The following TOGARAM2 variants were observed in gnomAD, a reference collection of about 807,000 sequenced individuals.
TOGARAM2 encodes TOG array regulator of axonemal microtubules protein 2.
In TOGARAM2, 85 loss-of-function variants were observed where a neutral mutation model predicts 93.3. That is an observed-to-expected ratio of 0.91 (90% confidence interval 0.76 to 1.09). The LOEUF (loss-of-function observed/expected upper bound fraction) is 1.09. TOGARAM2 is among the 50% of genes least tolerant of loss of function. The pLI is 0.00. For missense variants in TOGARAM2, 1,277 were observed against 1,334.5 expected, an observed-to-expected ratio of 0.96 and a Z score of 0.67; for synonymous variants, 593 against 552.8, an observed-to-expected ratio of 1.07 and a Z score of -1.02.
upstream of TOGARAM2, among the ~76,000 whole-genome samples, chr2:28,977,004 C>T (rs887833657): frequency 5.9e-5 from 9 of 152,180 alleles, no homozygotes; most frequent in East Asian, 3.9e-4. Context: ...CTCCATTATC[C>T]GCTTTTCTAC....
chr2:29,020,940 G>T (rs1051905166), intron 10 of TOGARAM2, among the ~76,000 whole-genome samples: 1 of 152,110 alleles, frequency 6.6e-6, no homozygotes, highest in African/African-American at 2.4e-5. Flanking sequence ...CTGAGACTGA[G>T]TCTCACTCTG....
chr2:29,013,409 GA>G (rs1286020015), intron 7 of TOGARAM2, among the ~76,000 whole-genome samples: 1 of 152,174 alleles, frequency 6.6e-6, no homozygotes, highest in Admixed American at 6.5e-5. Flanking sequence ...ATTACAAGGT[GA>G]AGTCCCACAG....
At chr2:29,038,601 G>A (rs774098058) in intron 18 of TOGARAM2, among the ~76,000 whole-genome samples, 4 of 152,080 alleles carry the variant, frequency 2.6e-5, no homozygotes, top group Non-Finnish European at 4.4e-5. Flanking sequence ...GTGCCACCAC[G>A]CCTGGCTAAT....
intron 14 of TOGARAM2, among the ~76,000 whole-genome samples, chr2:29,028,100 G>A (rs1010797262): frequency 6.6e-6 from 1 of 152,192 alleles, no homozygotes; most frequent in African/African-American, 2.4e-5. Context: ...AGCTAGGGCT[G>A]GAGCCCAGTT....
intron 1 of TOGARAM2, among the ~76,000 whole-genome samples, chr2:28,970,183 GA>G (rs1258522790): frequency 6.6e-6 from 1 of 152,116 alleles, no homozygotes. Flanking sequence ...CCCTATTTTT[GA>G]GATGAGAAAA....
intron 6 of TOGARAM2, among the ~76,000 whole-genome samples, 189 bp downstream of exon 6, chr2:29,003,871 C>T (rs1028155946): frequency 1.3e-5 from 2 of 152,256 alleles, no homozygotes; most frequent in African/African-American, 2.4e-5. Flanking sequence ...GCCGGGGCTT[C>T]TCTGCCTCTT....
At chr2:29,004,729 TGA>T (rs1171177945) in intron 6 of TOGARAM2, among the ~76,000 whole-genome samples, 1 of 127,934 alleles carries the variant, frequency 7.8e-6, no homozygotes, top group South Asian at 2.6e-4. Flanking sequence ...TGTATATGTG[TGA>T]GTGCATGCAT....
At chr2:29,036,307 G>A (rs772874450) in intron 17 of TOGARAM2, among the ~76,000 whole-genome samples, 6 of 152,170 alleles carry the variant, frequency 3.9e-5, no homozygotes, top group African/African-American at 7.2e-5. Context: ...CTAACAAGAC[G>A]CCCTGGACAC....
In TOGARAM2 at chr2:28,967,855, C is replaced by T. The variant is rs181916919; in HGVS notation, c.-147+11158C>T. On this transcript the variant is annotated intron_variant, in intron 1 of 6. Coordinates refer to the TOGARAM2 transcript ENST00000401723. Reference sequence around the variant, plus strand: ...AGTCTTGCTCTGTCGCTCTATTGCCCAGGCTGGAGTGCAGTGGCTCAATGT... The same window carrying T: ...AGTCTTGCTCTGTCGCTCTATTGCCTAGGCTGGAGTGCAGTGGCTCAATGT... 3.6e-3 allele frequency among the ~76,000 whole-genome samples: 511 copies of T among 140,484 alleles called. 2 individuals are homozygous for T. The highest frequency in any genetic ancestry group is 0.013 in the African/African-American group (480 of 36,830). 92.2% of individuals were successfully genotyped at this position (140,484 alleles called of 152,430 possible).
intron 11 of TOGARAM2, among the ~76,000 whole-genome samples, chr2:29,022,620 G>A (rs898403265): frequency 1.4e-4 from 21 of 152,350 alleles, no homozygotes; most frequent in Admixed American, 3.9e-4. Flanking sequence ...TGGGGCCCAG[G>A]AAGGCCGCAG....
chr2:29,012,261 T>C (rs1572702808), intron 7 of TOGARAM2, among the ~76,000 whole-genome samples: 1 of 151,974 alleles, frequency 6.6e-6, no homozygotes, highest in African/African-American at 2.4e-5. Flanking sequence ...GCAGGAGGGG[T>C]GGCCTCCCCA....
At chr2:28,967,696 C>T (rs184826404) in intron 1 of TOGARAM2, among the ~76,000 whole-genome samples, 3 of 151,742 alleles carry the variant, frequency 2.0e-5, no homozygotes, top group African/African-American at 2.4e-5. Context: ...TACTCCGTGA[C>T]CTTTGGCAAA....
chr2:28,966,401 G>A (rs1178152491), intron 1 of TOGARAM2, among the ~76,000 whole-genome samples: 2 of 151,966 alleles, frequency 1.3e-5, no homozygotes, highest in South Asian at 2.1e-4. Flanking sequence ...GCGTTCAAGC[G>A]ATTCTCCTGC....
chr2:29,031,146 G>T (rs1415410752), intron 14 of TOGARAM2, among the ~76,000 whole-genome samples: 2 of 152,218 alleles, frequency 1.3e-5, no homozygotes, highest in Non-Finnish European at 1.5e-5. Flanking sequence ...GCTAGGCAGT[G>T]ATTAGGACAT....
In TOGARAM2 at chr2:29,035,496, T is replaced by A. The variant is rs1558460580; in HGVS notation, c.2258T>A (p.Leu753Gln). 6.7e-6 allele frequency: 10 copies of A among 1,490,076 alleles called. No homozygotes were observed. Among genetic ancestry groups the A allele is most frequent in the Non-Finnish European group, 9.0e-6 (10 of 1,115,180 alleles). 92.3% of individuals were successfully genotyped at this position (1,490,076 alleles called of 1,614,324 possible). The change falls in exon 17 of 20, where the codon CTG (leucine) becomes CAG (glutamine). Residue 753 changes from leucine (L) to glutamine (Q), a missense_variant. Leu to Gln is a moderately radical substitution (Grantham distance 113, BLOSUM62 -2). Transcript: ENST00000379558. The part of the protein sequence containing the change: ...LSCNGPRLVG[L>Q]RSTLQGRGEM... ...TGCAATGGCCCAAGGCTGGTGGGGCTGCGCTCCACACTGCAGGGCCGCGGG... is the reference window on the plus strand; with the variant it reads ...TGCAATGGCCCAAGGCTGGTGGGGCAGCGCTCCACACTGCAGGGCCGCGGG...
At chr2:28,973,604 C>T (rs1012366099) in intron 1 of TOGARAM2, among the ~76,000 whole-genome samples, 1 of 151,688 alleles carries the variant, frequency 6.6e-6, no homozygotes, top group Admixed American at 6.6e-5. Flanking sequence ...CTCATTGTAG[C>T]CTCAAACTCC....
rs769062010 is a variant in TOGARAM2, at chr2:29,052,072, A to T, written c.3039A>T (p.Ser1013=). 1.3e-6 allele frequency: 2 copies of T among 1,587,024 alleles called. No homozygotes were observed. Among genetic ancestry groups the T allele is most frequent in the Non-Finnish European group, 1.7e-6 (2 of 1,162,546 alleles). The part of the protein sequence containing the change: ...VAPDSKTTGS[S]YPFQLD The stretch of plus-strand genomic sequence containing the variant: ...CTGACAGCAAGACAACTGGCAGCTC[A>T]TACCCTTTTCAGCTGGATTAAAGAT... Residue 1013 remains serine (S), a synonymous_variant, in exon 20 of 20, where the codon TCA becomes TCT. Transcript: ENST00000379558.
intron 2 of TOGARAM2, 39 bp downstream of exon 2, chr2:28,994,901 C>G (rs1459768183): frequency 1.9e-6 from 3 of 1,551,222 alleles, no homozygotes; most frequent in Non-Finnish European, 2.6e-6. Context: ...TGGTGTTTTC[C>G]AGGCTAGGGG....
chr2:29,018,415 C>G (rs930724493), intron 10 of TOGARAM2: 2 of 155,318 alleles, frequency 1.3e-5, no homozygotes, highest in Admixed American at 6.5e-5. Context: ...CCTCAGGAAT[C>G]GTGCCTGGGA....
Sources: allele counts gnomAD v4.1 joint callset (sites outside exome capture counted in the v4.1 genomes callset), GRCh38; gene constraint gnomAD v4.1.1; transcripts MANE v1.5; gene names NCBI Gene and HGNC (gene_info 2026-07-23, HGNC 2026-07-21).